Variants in LY96 observed in about 807,000 individuals in gnomAD.
The protein encoded by LY96 is lymphocyte antigen 96.
In LY96, 18 loss-of-function variants were observed where a neutral mutation model predicts 18.9. That is an observed-to-expected ratio of 0.95 (90% CI 0.66 to 1.41). LY96 has a LOEUF of 1.41. Among genes scored for constraint, LY96 ranks in the 40% most tolerant of loss-of-function variants. The pLI is 0.00. For synonymous variants in LY96, 66 were observed against 62.6 expected (o/e 1.06, Z -0.26); for missense variants, 175 against 182.4 (o/e 0.96, Z 0.23).
Position 74,010,125 on chromosome 8 carries a change from G to C in LY96, c.327G>C (p.Lys109Asn). 6.2e-7 allele frequency: 1 copy of C among 1,612,590 alleles called. No individual in the cohort carries two copies. Among genetic ancestry groups the C allele is most frequent in the Non-Finnish European group, 8.5e-7 (1 of 1,178,846 alleles). The change falls in exon 3 of 5, where the codon AAG becomes AAC. Residue 109 changes from lysine to asparagine, a missense_variant. Physicochemically the swap from Lys to Asn is moderately conservative, Grantham distance 94. Transcript: ENST00000284818. Reference protein sequence around the residue: ...DDDYSFCRALKGETVNTTISF... With the variant: ...DDDYSFCRALNGETVNTTISF... The stretch of plus-strand genomic sequence containing the variant: ...ATTACTCTTTTTGCAGAGCTCTGAA[G>C]GGAGGTAAGTATTCAGTTCATATTA...
the LY96 span, among the ~76,000 whole-genome samples, chr8:74,043,250 G>T: frequency 6.6e-6 from 1 of 152,218 alleles, no homozygotes; most frequent in African/African-American, 2.4e-5. Flanking sequence ...GGGTAGGGAG[G>T]TGTGGGCCAG....
At chr8:74,065,045 A>G in the LY96 span, among the ~76,000 whole-genome samples, 1 of 152,102 alleles carries the variant, frequency 6.6e-6, no homozygotes, top group Non-Finnish European at 1.5e-5. Context: ...AACCTGAAAA[A>G]CTGAATTTCC....
At chr8:74,075,464 T>C in the LY96 span, among the ~76,000 whole-genome samples, 1 of 152,158 alleles carries the variant, frequency 6.6e-6, no homozygotes, top group South Asian at 2.1e-4. Flanking sequence ...TGAGACAAGG[T>C]CTTGCTATAT....
the LY96 span, among the ~76,000 whole-genome samples, chr8:74,043,507 A>C: frequency 6.6e-6 from 1 of 152,168 alleles, no homozygotes; most frequent in Non-Finnish European, 1.5e-5. Flanking sequence ...TGCCATTGCC[A>C]GTGGTCTTTT....
At chr8:74,054,624 CTTTCTTTCTTTCTTTCT>C in the LY96 span, among the ~76,000 whole-genome samples, 6 of 89,136 alleles carry the variant, frequency 6.7e-5, no homozygotes, top group African/African-American at 3.0e-4. Flanking sequence ...TTCCTTCTTT[CTTTCTTTCTTTCTTTCT>C]TTCTTTCTTT....
At chr8:74,039,099 T>A in the LY96 span, among the ~76,000 whole-genome samples, 135 of 152,346 alleles carry the variant, frequency 8.9e-4, 1 homozygote, top group Non-Finnish European at 1.4e-3. Flanking sequence ...TCATTGTAGT[T>A]TTGATTTGCA....
chr8:74,094,112 C>A, the LY96 span, among the ~76,000 whole-genome samples: 1 of 151,786 alleles, frequency 6.6e-6, no homozygotes, highest in Admixed American at 6.6e-5. Flanking sequence ...TATTGTGCAC[C>A]AAAAGAAAGG....
chr8:73,991,835 T>C (rs369706689), intron 1 of LY96, among the ~76,000 whole-genome samples: 9 of 151,976 alleles, frequency 5.9e-5, no homozygotes, highest in African/African-American at 2.2e-4. Context: ...AGTTTTTGGT[T>C]CTGCCCATTT....
the LY96 span, among the ~76,000 whole-genome samples, chr8:74,088,225 G>T: frequency 6.6e-6 from 1 of 152,086 alleles, no homozygotes; most frequent in African/African-American, 2.4e-5. Context: ...TGAATGTTTT[G>T]TGTGCAGCCA....
At chr8:74,097,717 T>G in the LY96 span, among the ~76,000 whole-genome samples, 8 of 127,420 alleles carry the variant, frequency 6.3e-5, no homozygotes, top group African/African-American at 2.8e-4. Flanking sequence ...AATAAATAAA[T>G]AAATAAATAA....
the LY96 span, among the ~76,000 whole-genome samples, chr8:74,075,839 A>T: frequency 6.6e-6 from 1 of 152,212 alleles, no homozygotes; most frequent in Non-Finnish European, 1.5e-5. Context: ...GTATGAAAAG[A>T]GATGAGAACT....
the LY96 span, among the ~76,000 whole-genome samples, chr8:74,091,468 C>A: frequency 6.6e-6 from 1 of 152,192 alleles, no homozygotes; most frequent in Non-Finnish European, 1.5e-5. Context: ...GTAAACCTCA[C>A]CCTACAAGAT....
At chr8:74,044,234 T>G in the LY96 span, among the ~76,000 whole-genome samples, 7 of 151,010 alleles carry the variant, frequency 4.6e-5, no homozygotes, top group Non-Finnish European at 8.8e-5. Context: ...CAGTCTGGAG[T>G]GCAGTGGCAC....
chr8:74,006,444 C>G (rs1015638406), intron 2 of LY96, among the ~76,000 whole-genome samples: 3 of 152,116 alleles, frequency 2.0e-5, no homozygotes, highest in African/African-American at 7.2e-5. Flanking sequence ...GTGATCCACC[C>G]GCCTAGGCCT....
At chr8:74,081,093 CTTTCTT>C in the LY96 span, among the ~76,000 whole-genome samples, 3 of 120,010 alleles carry the variant, frequency 2.5e-5, no homozygotes, top group African/African-American at 1.1e-4. Context: ...TTCTCTCTTT[CTTTCTT>C]TCTTTCTTTC....
rs1188117259 is a variant in LY96 at position 74,010,149 on chromosome 8, T to C, written c.331+20T>C. 1 of 1,599,956 alleles carries C rather than the reference T, an allele frequency of 6.3e-7. No individual in the cohort carries two copies. Among genetic ancestry groups the C allele is most frequent in the Non-Finnish European group, 8.6e-7 (1 of 1,167,780 alleles). On this transcript the variant is annotated intron_variant, in intron 3 of 4. Transcript: ENST00000284818. ...AGGGAGGTAAGTATTCAGTTCATAT[T>C]ACTTTTAGAATAGGAAATAATTCTT...
the LY96 span, among the ~76,000 whole-genome samples, chr8:74,079,117 T>C: frequency 2.0e-5 from 3 of 152,228 alleles, no homozygotes; most frequent in Non-Finnish European, 4.4e-5. Context: ...TCATCCAATC[T>C]GTTGAAGGCC....
the LY96 span, chr8:74,099,533 T>C: frequency 2.6e-5 from 4 of 152,202 alleles, no homozygotes; most frequent in Non-Finnish European, 4.4e-5. Flanking sequence ...ATCTGCTTCA[T>C]CTTTTGATGT....
At chr8:74,028,858 A>G in intron 4 of LY96, 98 bp from the exon 5 acceptor site, 1 of 686,686 alleles carries the variant, frequency 1.5e-6, no homozygotes, top group Non-Finnish European at 2.5e-6. Context: ...AATCCAATTT[A>G]AATGGCTTTC....
Sources: gnomAD v4.1 joint callset for allele counts (sites outside exome capture counted in the v4.1 genomes callset) on GRCh38, gnomAD v4.1.1 for gene constraint, MANE v1.5 for transcripts, NCBI Gene and HGNC (gene_info 2026-07-23, HGNC 2026-07-21) for gene names.